CCT3: variants seen among roughly 807,000 people sequenced by gnomAD.
CCT3 encodes T-complex protein 1 subunit gamma.
CCT3 carries 10 observed loss-of-function variants against 65.3 expected under a neutral mutation model. That is an observed-to-expected ratio of 0.15 (90% confidence interval 0.09 to 0.26). CCT3 has a LOEUF of 0.26. Ranked by LOEUF, CCT3 falls within the 10% of genes least tolerant of loss-of-function variation. The probability of loss-of-function intolerance (pLI) is 1.00; values close to 1 mark genes in which losing one functional copy is unlikely to be tolerated. For missense variants in CCT3, 626 were observed against 708.7 expected (o/e 0.88, Z 1.33); for synonymous variants, 225 against 242.3 (o/e 0.93, Z 0.66).
At chr1:156,328,437 T>C (rs1023563075) in intron 5 of CCT3, among the ~76,000 whole-genome samples, 4 of 152,038 alleles carry the variant, frequency 2.6e-5, no homozygotes, top group South Asian at 2.1e-4. Context: ...GGGGAAAAGA[T>C]TGAGAAATCG....
chr1:156,314,086 C>CAAAAAA (rs139747435), intron 10 of CCT3, among the ~76,000 whole-genome samples: 1 of 96,512 alleles, frequency 1.0e-5, no homozygotes, highest in African/African-American at 4.0e-5. Flanking sequence ...ACTCTGTCTC[C>CAAAAAA]AAAAAAAAAA....
chr1:156,319,114 G>GTT, intron 7 of CCT3, 97 bp from the exon 8 acceptor site: 2 of 1,056,906 alleles, frequency 1.9e-6, no homozygotes, highest in Non-Finnish European at 2.6e-6. Flanking sequence ...TAGTGTTTCA[G>GTT]GTTTTTTTTT....
chr1:156,310,191 C>A (rs1295536996), intron 13 of CCT3, among the ~76,000 whole-genome samples: 1 of 152,028 alleles, frequency 6.6e-6, no homozygotes, highest in Non-Finnish European at 1.5e-5. Context: ...TTCTTTACCC[C>A]TCCCTTCAAG....
At chr1:156,324,313 C>A (rs1405673908) in intron 6 of CCT3, among the ~76,000 whole-genome samples, 1 of 151,808 alleles carries the variant, frequency 6.6e-6, no homozygotes, top group Non-Finnish European at 1.5e-5. Flanking sequence ...GTGATCCACC[C>A]ACCTGGGCCA....
rs74116819 is a variant in CCT3 at position 156,334,921 on chromosome 1, A to G, written c.94-3T>C. The G allele has an allele frequency of 7.5e-4, 1,203 of 1,613,836 alleles. 6 individuals are homozygous for G. In the African/African-American group the frequency reaches 0.014, roughly 19 times the overall value. ...GTTCGGATGATATCTGCAATAGTCT[A>G]ATGGAAAGGGAACATAAAATACGCA... is the stretch of plus-strand genomic sequence containing the variant. On this transcript the variant is annotated splice_polypyrimidine_tract_variant and splice_region_variant and intron_variant, in intron 2 of 13. Transcript: ENST00000295688.
intron 10 of CCT3, among the ~76,000 whole-genome samples, chr1:156,313,141 C>T (rs1282526543): frequency 6.6e-6 from 1 of 151,668 alleles, no homozygotes; most frequent in Non-Finnish European, 1.5e-5. Context: ...GTCAGGAGTT[C>T]GAGACCAGCC....
rs573858850 is a variant in CCT3, at chr1:156,331,980, C to T, written c.304+1567G>A. On this transcript the variant is annotated intron_variant, in intron 5 of 13. Transcript: ENST00000295688. ...CCGAGAGGGGGAGGTTGCGGCGAGC[C>T]GAGATTGTGCCATTGCACTCCAGCC... 7.4e-4 allele frequency among the ~76,000 whole-genome samples: 112 copies of T among 151,500 alleles called. 1 individual carries two copies. Among genetic ancestry groups the T allele is most frequent in the African/African-American group, 2.6e-3 (108 of 41,348 alleles).
chr1:156,326,664 AAAG>A (rs1477357390), intron 5 of CCT3, among the ~76,000 whole-genome samples: 3 of 116,584 alleles, frequency 2.6e-5, no homozygotes, highest in Admixed American at 1.0e-4. Context: ...AAAAAAAAAA[AAAG>A]AAAAAGAAAA....
chr1:156,309,379 CTAGA>C (rs1663973004), intron 13 of CCT3, 76 bp from the exon 14 acceptor site: 2 of 945,598 alleles, frequency 2.1e-6, no homozygotes, highest in South Asian at 2.6e-5. Context: ...GATCTATCAC[CTAGA>C]TGCTACTATG....
intron 4 of CCT3, among the ~76,000 whole-genome samples, 196 bp from the exon 5 acceptor site, chr1:156,333,839 T>C (rs1665215934): frequency 6.6e-6 from 1 of 152,194 alleles, no homozygotes; most frequent in Admixed American, 6.6e-5. Flanking sequence ...TGGGAAAAAG[T>C]GTATTACATG....
intron 2 of CCT3, 150 bp from the exon 3 acceptor site, chr1:156,335,068 A>G (rs1665277940): frequency 3.1e-6 from 2 of 638,802 alleles, no homozygotes; most frequent in Non-Finnish European, 5.2e-6. Flanking sequence ...ATGGGGTCTC[A>G]CCATGTTGCT....
intron 5 of CCT3, among the ~76,000 whole-genome samples, chr1:156,328,614 A>G (rs1187803329): frequency 6.6e-6 from 1 of 151,760 alleles, no homozygotes; most frequent in African/African-American, 2.4e-5. Flanking sequence ...AAATGGATTA[A>G]GGGCGGTGCA....
rs1664430101 is a variant in CCT3, at chr1:156,319,013, G to A, written c.614C>T (p.Pro205Leu). 7.5e-6 allele frequency: 12 copies of A among 1,603,022 alleles called. No individual in the cohort carries two copies. The highest frequency in any genetic ancestry group is 3.5e-5 in the Admixed American group (2 of 57,364). Residue 205 changes from proline to leucine, a missense_variant, in exon 8 of 14, where the codon CCT (proline) becomes CTT (leucine). By Grantham distance (98) the Pro-to-Leu change is moderately conservative (BLOSUM62 -3). Coordinates refer to ENST00000295688, the MANE Select transcript of CCT3 (RefSeq NM_005998.5). ...ACAGGAGTCTTCAATGATGCCTCCA[G>A]GTATCTGAACAAAAGACAACTGCAC... ...IKKYARVEKI[P>L]GGIIEDSCVL...
chr1:156,309,189 T>G lies in CCT3; in HGVS notation c.*10A>C. The stretch of plus-strand genomic sequence containing the variant: ...CTGGTTCTGTGCATTGAAGTAGCCT[T>G]GCCTAGCACTCACTCCTGGCCAGCA... On this transcript the variant is annotated 3_prime_UTR_variant, in exon 14 of 14. Coordinates refer to ENST00000295688, the MANE Select transcript of CCT3 (RefSeq NM_005998.5). The G allele has an allele frequency of 6.3e-7, 1 of 1,576,726 alleles. No homozygotes were observed. The highest frequency in any genetic ancestry group is 8.7e-7 in the Non-Finnish European group (1 of 1,146,124).
intron 1 of CCT3, chr1:156,337,375 C>T: frequency 1.0e-5 from 2 of 192,130 alleles, no homozygotes; most frequent in Admixed American, 5.8e-5. Context: ...GCCACTGCAA[C>T]CCAGCCTGGG....
intron 1 of CCT3, 176 bp from the exon 2 acceptor site, chr1:156,336,064 A>G (rs926888245): frequency 2.0e-6 from 1 of 495,406 alleles, no homozygotes; most frequent in Non-Finnish European, 3.6e-6. Context: ...ACCATATCTC[A>G]AAAAACTGTA....
chr1:156,322,384 C>G (rs1015921016), intron 6 of CCT3, among the ~76,000 whole-genome samples: 8 of 152,016 alleles, frequency 5.3e-5, no homozygotes, highest in African/African-American at 1.9e-4. Flanking sequence ...GTAGTCCCAG[C>G]TACTTGGGAG....
At chr1:156,318,124 T>C (rs1044667772) in intron 8 of CCT3, among the ~76,000 whole-genome samples, 1 of 152,170 alleles carries the variant, frequency 6.6e-6, no homozygotes, top group African/African-American at 2.4e-5. Context: ...ACATCTGTCC[T>C]GGCAGTGTGC....
intron 1 of CCT3, chr1:156,337,259 T>C (rs1665442705): frequency 2.9e-6 from 1 of 341,210 alleles, no homozygotes; most frequent in South Asian, 2.1e-5. Flanking sequence ...AATACAAAAA[T>C]TAGCCGTGCG....
Sources: gnomAD v4.1 joint callset for allele counts (sites outside exome capture counted in the v4.1 genomes callset) on GRCh38, gnomAD v4.1.1 for gene constraint, MANE v1.5 for transcripts, NCBI Gene and HGNC (gene_info 2026-07-23, HGNC 2026-07-21) for gene names.